The following PIK3CA variants were observed in gnomAD, a reference collection of about 807,000 sequenced individuals.
PIK3CA encodes the protein phosphatidylinositol-4,5-bisphosphate 3-kinase catalytic subunit alpha.
A neutral mutation model predicts 138.2 loss-of-function variants in PIK3CA; 27 were observed. The observed-to-expected ratio is 0.20, with a 90% confidence interval of 0.14 to 0.27. The LOEUF (loss-of-function observed/expected upper bound fraction) is 0.27, where lower values mean the gene tolerates loss of function less well. PIK3CA is among the 10% of genes least tolerant of loss of function. PIK3CA has a pLI of 1.00. For missense variants in PIK3CA, 544 were observed against 1,277.4 expected (o/e 0.43, Z 8.75); for synonymous variants, 358 against 413.2 (o/e 0.87, Z 1.62).
chr3:179,183,255 A>G (rs1035420157), intron 1 of PIK3CA, among the ~76,000 whole-genome samples: 1 of 152,184 alleles, frequency 6.6e-6, no homozygotes, highest in African/African-American at 2.4e-5. Flanking sequence ...ATGGCAACCA[A>G]TTACATCAGG....
At chr3:179,163,723 A>G (rs1342057698) in intron 1 of PIK3CA, among the ~76,000 whole-genome samples, 1 of 152,192 alleles carries the variant, frequency 6.6e-6, no homozygotes, top group Non-Finnish European at 1.5e-5. Flanking sequence ...TGCAGGTACA[A>G]GCATAAGGGA....
intron 1 of PIK3CA, among the ~76,000 whole-genome samples, chr3:179,193,615 A>G (rs1724191198): frequency 6.6e-6 from 1 of 152,126 alleles, no homozygotes; most frequent in African/African-American, 2.4e-5. Context: ...TAATTCATCA[A>G]AAAGGTAAAT....
At chr3:179,199,259 C>A in intron 2 of PIK3CA, 82 bp downstream of exon 2, 1 of 848,066 alleles carries the variant, frequency 1.2e-6, no homozygotes, top group Non-Finnish European at 1.8e-6. Flanking sequence ...TCTGTCTAAA[C>A]CAATACCTTC....
intron 1 of PIK3CA, among the ~76,000 whole-genome samples, chr3:179,172,561 A>T (rs1723585859): frequency 6.6e-6 from 1 of 152,206 alleles, no homozygotes; most frequent in African/African-American, 2.4e-5. Flanking sequence ...ACAAACAGGA[A>T]TTAATTATAT....
At chr3:179,169,027 A>G (rs1348975481) in intron 1 of PIK3CA, 3 of 151,474 alleles carry the variant, frequency 2.0e-5, no homozygotes, top group African/African-American at 4.9e-5. Context: ...TGAGATGTTT[A>G]TTTATTTTCC....
chr3:179,196,965 G>C (rs1351001363), intron 1 of PIK3CA, among the ~76,000 whole-genome samples: 1 of 152,186 alleles, frequency 6.6e-6, no homozygotes, highest in Non-Finnish European at 1.5e-5. Flanking sequence ...ATTGGTGTGA[G>C]ATGGAGAGAG....
intron 1 of PIK3CA, among the ~76,000 whole-genome samples, chr3:179,172,927 A>G (rs1326441617): frequency 3.9e-5 from 6 of 152,194 alleles, no homozygotes; most frequent in Non-Finnish European, 5.9e-5. Context: ...TAAAGCTACA[A>G]TAATCAAAAT....
intron 9 of PIK3CA, 136 bp from the exon 10 acceptor site, chr3:179,218,074 T>G (rs1368873417): frequency 1.3e-5 from 10 of 774,810 alleles, no homozygotes; most frequent in Non-Finnish European, 1.7e-5. Flanking sequence ...GCAATGAAAA[T>G]AAATTATTTT....
chr3:179,210,536 G>A lies in PIK3CA; in HGVS notation c.1510G>A (p.Ala504Thr), dbSNP rs2108401643. The change falls in exon 9 of 21, where the codon GCA (alanine) becomes ACA (threonine). Residue 504 changes from alanine to threonine, a missense_variant. Physicochemically the swap from Ala to Thr is moderately conservative, Grantham distance 58. This residue lies in a region of PIK3CA where 52 missense variants were observed against 83.4 expected (regional missense o/e 0.62). Transcript: ENST00000263967. The part of the protein sequence containing the change: ...EHANWSVSRE[A>T]GFSYSHAGLS... ...TGCCAATTGGTCTGTATCCCGAGAA[G>A]CAGGATTTAGCTATTCCCACGCAGG... 1 of 1,614,012 alleles carries A rather than the reference G, an allele frequency of 6.2e-7. No homozygotes were observed. The highest frequency in any genetic ancestry group is 1.7e-5 in the Admixed American group (1 of 60,012).
In PIK3CA at chr3:179,219,674, G is replaced by A. The variant is rs3865687; in HGVS notation, c.1850G>A (p.Arg617Gln). The change falls in exon 12 of 21, where the codon CGG becomes CAG. Residue 617 changes from arginine to glutamine, a missense_variant. Physicochemically the swap from Arg to Gln is conservative, Grantham distance 43. This residue lies in a region of PIK3CA where 22 missense variants were observed against 30.5 expected (regional missense o/e 0.72). Coordinates refer to ENST00000263967, the MANE Select transcript of PIK3CA (RefSeq NM_006218.4). This position sits in a 1 kb window ranked among gnomAD's most constrained non-coding sequence, Gnocchi z 4.2. Reference protein sequence around the residue: ...PDPMVRGFAVRCLEKYLTDDK... With the variant: ...PDPMVRGFAVQCLEKYLTDDK... ...CCTATGGTTCGAGGTTTTGCTGTTC[G>A]GTGCTTGGAAAAATATTTAACAGAT... The A allele has an allele frequency of 1.5e-5, 24 of 1,611,318 alleles. No individual in the cohort carries two copies. In the East Asian group the frequency reaches 2.5e-4, roughly 16 times the overall value.
At chr3:179,167,910 G>A (rs990457840) in intron 1 of PIK3CA, among the ~76,000 whole-genome samples, 8 of 151,910 alleles carry the variant, frequency 5.3e-5, no homozygotes, top group Admixed American at 1.3e-4. Flanking sequence ...CCATAAAAAC[G>A]GTATTCAGCG....
At chr3:179,212,056 A>G (rs1044119450) in intron 9 of PIK3CA, among the ~76,000 whole-genome samples, 15 of 152,076 alleles carry the variant, frequency 9.9e-5, no homozygotes, top group African/African-American at 2.9e-4. Flanking sequence ...TGCTCAGGCT[A>G]GAGTGCAATG....
chr3:179,238,726 TTCA>T lies in PIK3CA; in HGVS notation c.*4364_*4366del, dbSNP rs1725380892. 1 of 226,790 alleles carries T rather than the reference TTCA, an allele frequency of 4.4e-6. No homozygotes were observed. The highest frequency in any genetic ancestry group is 1.3e-3 in the Middle Eastern group (1 of 758). The allele number at this position is 226,790 out of a possible 1,614,324, so 14.0% of individuals were successfully genotyped here. ...TTGAAATTCATTTTGTTCTCTCTTCTTCATTATTAGTGCATTTGGTGTGTGTAT... is the reference window on the plus strand; with the variant it reads ...TTGAAATTCATTTTGTTCTCTCTTCTTTATTAGTGCATTTGGTGTGTGTAT... On this transcript the variant is annotated 3_prime_UTR_variant, in exon 21 of 21. Transcript: ENST00000263967.
chr3:179,203,897 G>A (rs879111497), intron 5 of PIK3CA, 108 bp downstream of exon 5: 3 of 734,158 alleles, frequency 4.1e-6, no homozygotes, highest in Non-Finnish European at 6.4e-6. Flanking sequence ...CAGATGGTTA[G>A]GAGAACATCC....
chr3:179,173,272 A>AT (rs1319564682), intron 1 of PIK3CA, among the ~76,000 whole-genome samples: 2 of 151,942 alleles, frequency 1.3e-5, no homozygotes, highest in Non-Finnish European at 2.9e-5. Flanking sequence ...TTCAAAAAAA[A>AT]GAAAGGCCGG....
At chr3:179,175,502 AC>A (rs1723674022) in intron 1 of PIK3CA, among the ~76,000 whole-genome samples, 2 of 151,874 alleles carry the variant, frequency 1.3e-5, no homozygotes. Context: ...CTGCTTGCAG[AC>A]TTACATTCTT....
At chr3:179,171,164 T>G (rs566426182) in intron 1 of PIK3CA, among the ~76,000 whole-genome samples, 1 of 152,168 alleles carries the variant, frequency 6.6e-6, no homozygotes, top group South Asian at 2.1e-4. Context: ...TCCCCAAATA[T>G]GTGCAAATGA....
chr3:179,197,172 G>A (rs533839252), intron 1 of PIK3CA, among the ~76,000 whole-genome samples: 12 of 152,176 alleles, frequency 7.9e-5, no homozygotes, highest in African/African-American at 2.9e-4. Context: ...CTGAGTAGGT[G>A]GGATTACAGG....
intron 1 of PIK3CA, among the ~76,000 whole-genome samples, chr3:179,188,359 G>A (rs1353839871): frequency 6.6e-6 from 1 of 152,140 alleles, no homozygotes; most frequent in Non-Finnish European, 1.5e-5. Flanking sequence ...TCTTACCAGT[G>A]CATGCCATTG....
Sources: allele counts gnomAD v4.1 joint callset (sites outside exome capture counted in the v4.1 genomes callset), GRCh38; gene constraint gnomAD v4.1.1; regional missense constraint gnomAD v4.1.1; non-coding constraint Gnocchi (gnomAD v3.1); transcripts MANE v1.5; gene names NCBI Gene and HGNC (gene_info 2026-07-23, HGNC 2026-07-21).